SYN3: variants seen among roughly 807,000 people sequenced by gnomAD.
SYN3 encodes the protein synapsin III.
A neutral mutation model predicts 65.8 loss-of-function variants in SYN3; 35 were observed. The observed-to-expected ratio is 0.53, with a 90% CI of 0.41 to 0.70. The LOEUF (loss-of-function observed/expected upper bound fraction) is 0.70, where lower values mean the gene tolerates loss of function less well. Among genes scored for constraint, SYN3 ranks in the 30% least tolerant of loss-of-function variants. SYN3 has a pLI of 0.00. For synonymous variants in SYN3, 270 were observed against 292.9 expected, an observed-to-expected ratio of 0.92 and a Z score of 0.80; for missense variants, 680 against 749.0, an observed-to-expected ratio of 0.91 and a Z score of 1.08.
intron 4 of SYN3, among the ~76,000 whole-genome samples, chr22:32,910,923 G>A (rs1297705249): frequency 6.6e-6 from 1 of 152,176 alleles, no homozygotes; most frequent in Non-Finnish European, 1.5e-5. Context: ...CAGAGGTGAA[G>A]TGAGTGACCT....
intron 13 of SYN3, among the ~76,000 whole-genome samples, chr22:32,516,855 T>A (rs1444075853): frequency 4.3e-4 from 66 of 152,192 alleles, no homozygotes; most frequent in Non-Finnish European, 7.8e-4. Flanking sequence ...AAATAGTTAT[T>A]AACTCCTAAG....
intron 6 of SYN3, among the ~76,000 whole-genome samples, chr22:32,826,099 A>G (rs546092728): frequency 1.3e-5 from 2 of 152,218 alleles, no homozygotes; most frequent in African/African-American, 2.4e-5. Flanking sequence ...TTTTTTCCCA[A>G]CCTTTCTTTA....
chr22:32,763,635 G>A (rs1229135492), intron 6 of SYN3, among the ~76,000 whole-genome samples: 2 of 152,310 alleles, frequency 1.3e-5, no homozygotes, highest in Admixed American at 6.5e-5. Flanking sequence ...TACTGCCCGG[G>A]CAATCCAGTA....
rs377465145 is a variant in SYN3, at chr22:32,727,684, C to T, written c.712-130948G>A. Among the ~76,000 whole-genome samples, 12 of 152,238 alleles carry T rather than the reference C, an allele frequency of 7.9e-5. No individual in the cohort carries two copies. The East Asian group carries it at 1.7e-3, about 22-fold the overall frequency. ...TTTCAGTAATAGCCATTCTGAGTGG[C>T]GTGAGATGGCATCTCATTGTAGTTT... On this transcript the variant is annotated intron_variant, in intron 6 of 13. Coordinates refer to ENST00000358763, the MANE Select transcript of SYN3 (RefSeq NM_003490.4).
At chr22:32,729,182 C>T (rs2061237709) in intron 6 of SYN3, among the ~76,000 whole-genome samples, 1 of 152,238 alleles carries the variant, frequency 6.6e-6, no homozygotes, top group Non-Finnish European at 1.5e-5. Context: ...TATACAAGAA[C>T]AGGGACCTCT....
At chr22:33,014,608 C>G (rs1212638652) in intron 1 of SYN3, 1 of 152,274 alleles carries the variant, frequency 6.6e-6, no homozygotes, top group Non-Finnish European at 1.5e-5. Context: ...TGGAGAAACC[C>G]CGTCTCTACT....
At chr22:32,634,837 TTGTGGCCCGCCGGCCATG>T (rs940250191) in intron 6 of SYN3, among the ~76,000 whole-genome samples, 2 of 152,184 alleles carry the variant, frequency 1.3e-5, no homozygotes, top group African/African-American at 2.4e-5. Flanking sequence ...CTTGTCCAAC[TTGTGGCCCGCCGGCCATG>T]TGTGGCCCAG....
intron 6 of SYN3, among the ~76,000 whole-genome samples, chr22:32,754,479 AC>A (rs2045234165): frequency 6.6e-6 from 1 of 151,976 alleles, no homozygotes. Flanking sequence ...AGGACTTTGC[AC>A]TTTGGTCATC....
chr22:32,636,407 A>G (rs971563761), intron 6 of SYN3, among the ~76,000 whole-genome samples: 1 of 149,976 alleles, frequency 6.7e-6, no homozygotes, highest in African/African-American at 2.4e-5. Flanking sequence ...ATCTCAAAAA[A>G]AAAAAAAAAA....
chr22:32,879,330 A>G (rs1310562881), intron 4 of SYN3, among the ~76,000 whole-genome samples: 1 of 152,214 alleles, frequency 6.6e-6, no homozygotes, highest in Non-Finnish European at 1.5e-5. Flanking sequence ...TAGATCCTGG[A>G]GAGACAGACT....
chr22:32,947,866 T>C (rs1312864371), intron 3 of SYN3, among the ~76,000 whole-genome samples: 3 of 152,234 alleles, frequency 2.0e-5, no homozygotes, highest in Non-Finnish European at 4.4e-5. Context: ...TGTTCTGTGT[T>C]GCACATGGCC....
chr22:32,904,011 G>A (rs746700536), intron 4 of SYN3, among the ~76,000 whole-genome samples: 8 of 152,224 alleles, frequency 5.3e-5, no homozygotes, highest in Non-Finnish European at 1.0e-4. Flanking sequence ...TGTATTTACT[G>A]CCTCAGAGCA....
intron 1 of SYN3, among the ~76,000 whole-genome samples, chr22:33,053,463 T>C (rs5994664): frequency 0.01 from 1,585 of 152,280 alleles, 29 homozygotes; most frequent in African/African-American, 0.036. Flanking sequence ...AGATGGAGCC[T>C]TGCTTTGAAA....
intron 1 of SYN3, among the ~76,000 whole-genome samples, chr22:33,009,826 A>G (rs571285223): frequency 6.6e-6 from 1 of 151,668 alleles, no homozygotes; most frequent in South Asian, 2.1e-4. Context: ...TATAATATAT[A>G]TAAAGTCTTA....
chr22:32,873,839 T>A (rs145745377), intron 4 of SYN3, among the ~76,000 whole-genome samples: 1 of 152,152 alleles, frequency 6.6e-6, no homozygotes, highest in East Asian at 1.9e-4. Flanking sequence ...CAACATTAGA[T>A]GAGTCGGCCA....
chr22:32,539,762 G>A (rs1275244457), intron 8 of SYN3, among the ~76,000 whole-genome samples: 2 of 143,806 alleles, frequency 1.4e-5, no homozygotes, highest in Non-Finnish European at 3.0e-5. Context: ...AGGCTCAGCA[G>A]AAAAATGCTG....
At chr22:33,035,330 ACCCCCC>A (rs133975) in intron 1 of SYN3, among the ~76,000 whole-genome samples, 1 of 31,432 alleles carries the variant, frequency 3.2e-5, no homozygotes, top group African/African-American at 8.6e-5. Flanking sequence ...AAATCTCGGG[ACCCCCC>A]CCCCCCCCGC....
chr22:32,985,851 C>T (rs1307641084), intron 2 of SYN3, among the ~76,000 whole-genome samples: 1 of 151,992 alleles, frequency 6.6e-6, no homozygotes, highest in Non-Finnish European at 1.5e-5. Flanking sequence ...CCTTGATTGT[C>T]TCTTTCTCAT....
At chr22:33,031,715 C>A (rs2053758657) in intron 1 of SYN3, among the ~76,000 whole-genome samples, 1 of 152,022 alleles carries the variant, frequency 6.6e-6, no homozygotes, top group African/African-American at 2.4e-5. Flanking sequence ...CCCTGTCCCC[C>A]ATGCCCTTCT....
Sources: gnomAD v4.1 joint callset for allele counts (sites outside exome capture counted in the v4.1 genomes callset) on GRCh38, gnomAD v4.1.1 for gene constraint, MANE v1.5 for transcripts, NCBI Gene and HGNC (gene_info 2026-07-23, HGNC 2026-07-21) for gene names.